Variants in DOK6 observed in about 807,000 individuals in gnomAD.
DOK6 encodes docking protein 6.
DOK6 carries 22 observed loss-of-function variants against 44.0 expected under a neutral mutation model. The ratio of observed to expected loss-of-function variants is 0.50; its 90% CI spans 0.36 to 0.71. DOK6 has a LOEUF of 0.71. Among genes scored for constraint, DOK6 ranks in the 30% least tolerant of loss-of-function variants. DOK6 has a pLI of 0.00. For missense variants in DOK6, 340 were observed against 416.4 expected (o/e 0.82, Z 1.60); for synonymous variants, 166 against 145.5 (o/e 1.14, Z -1.01).
intron 2 of DOK6, among the ~76,000 whole-genome samples, chr18:69,578,224 G>A (rs541412430): frequency 3.3e-5 from 5 of 151,976 alleles, no homozygotes; most frequent in African/African-American, 9.7e-5. Flanking sequence ...TAAAGCAACC[G>A]TCTATAATGG....
intron 6 of DOK6, among the ~76,000 whole-genome samples, chr18:69,746,133 T>TA (rs1978977742): frequency 6.6e-6 from 1 of 152,220 alleles, no homozygotes; most frequent in Admixed American, 6.5e-5. Context: ...TACATGTTGT[T>TA]AAATGCATTA....
chr18:69,559,772 T>TGA (rs1982782808), intron 1 of DOK6, among the ~76,000 whole-genome samples: 1 of 152,148 alleles, frequency 6.6e-6, no homozygotes, highest in Non-Finnish European at 1.5e-5. Flanking sequence ...CCAGCCCCAT[T>TGA]GGGTTCTGGT....
chr18:69,748,210 C>A (rs929211771), intron 6 of DOK6, among the ~76,000 whole-genome samples: 11 of 151,972 alleles, frequency 7.2e-5, no homozygotes, highest in African/African-American at 2.7e-4. Flanking sequence ...TAAATATGTA[C>A]GCACCCAATA....
At chr18:69,754,256 A>G (rs1979281138) in intron 6 of DOK6, among the ~76,000 whole-genome samples, 1 of 149,666 alleles carries the variant, frequency 6.7e-6, no homozygotes, top group African/African-American at 2.4e-5. Flanking sequence ...CGGGAGGCTG[A>G]GGTGGCAGAA....
intron 3 of DOK6, among the ~76,000 whole-genome samples, chr18:69,645,960 C>A (rs1985062464): frequency 6.6e-6 from 1 of 152,090 alleles, no homozygotes; most frequent in Admixed American, 6.6e-5. Flanking sequence ...ATCGAGGAGT[C>A]TGATTTCAAC....
rs114143254 is a variant in DOK6 at position 69,529,691 on chromosome 18, C to T, written c.67-34796C>T. Reference sequence around the variant, plus strand: ...TAAATTGAAAAGACCTCTTTTCCTACTTAGCTTATTAAAATCCAACACAGC... The same window carrying T: ...TAAATTGAAAAGACCTCTTTTCCTATTTAGCTTATTAAAATCCAACACAGC... On this transcript the variant is annotated intron_variant, in intron 1 of 7. Transcript: ENST00000382713. Among the ~76,000 whole-genome samples, 886 of 152,274 alleles carry T rather than the reference C, an allele frequency of 5.8e-3. 11 individuals carry two copies. The highest frequency in any genetic ancestry group is 0.02 in the African/African-American group (823 of 41,550).
chr18:69,550,682 A>G (rs1982537978), intron 1 of DOK6, among the ~76,000 whole-genome samples: 1 of 151,974 alleles, frequency 6.6e-6, no homozygotes. Flanking sequence ...TACTTCATGT[A>G]TATGAGAACA....
At chr18:69,534,557 A>G (rs1982068983) in intron 1 of DOK6, among the ~76,000 whole-genome samples, 1 of 151,640 alleles carries the variant, frequency 6.6e-6, no homozygotes, top group African/African-American at 2.4e-5. Flanking sequence ...GATTCTTTGT[A>G]TGGTGTGAGT....
At chr18:69,831,964 G>C (rs9948190) in intron 7 of DOK6, among the ~76,000 whole-genome samples, 1 of 150,924 alleles carries the variant, frequency 6.6e-6, no homozygotes, top group Non-Finnish European at 1.5e-5. Context: ...TTCTAAATAT[G>C]AGATCATAAC....
chr18:69,618,270 T>A (rs1984359780), intron 3 of DOK6, among the ~76,000 whole-genome samples: 1 of 152,158 alleles, frequency 6.6e-6, no homozygotes, highest in South Asian at 2.1e-4. Flanking sequence ...AGGAAACTAA[T>A]ATAGAGCTCT....
intron 3 of DOK6, chr18:69,660,384 A>G (rs1487389165): frequency 2.0e-5 from 3 of 152,150 alleles, no homozygotes; most frequent in African/African-American, 7.2e-5. Context: ...ATAAATTTCA[A>G]CTCCACAATA....
chr18:69,674,304 C>T (rs1985871847), intron 3 of DOK6, among the ~76,000 whole-genome samples: 1 of 152,170 alleles, frequency 6.6e-6, no homozygotes, highest in African/African-American at 2.4e-5. Context: ...AGTATACAGA[C>T]TACAAAGGTT....
At position 69,422,653 on chromosome 18, in the gene DOK6, A is replaced by G. The variant is rs932591098; in HGVS notation, c.66+21343A>G. On this transcript the variant is annotated intron_variant, in intron 1 of 7. Transcript: ENST00000382713. ...TCTCTACCTTCTGTGGTCTCTTTCC[A>G]GTTGATATACTCTGTTTGTGTAACT... Among the ~76,000 whole-genome samples the G allele has an allele frequency of 3.4e-5, 5 of 149,048 alleles. No homozygotes were observed. The Admixed American group carries it at 3.5e-4, about 10-fold the overall frequency.
At chr18:69,464,943 T>A (rs1000461452) in intron 1 of DOK6, among the ~76,000 whole-genome samples, 2 of 152,210 alleles carry the variant, frequency 1.3e-5, no homozygotes, top group Admixed American at 6.5e-5. Flanking sequence ...CCAGATTAAC[T>A]TTTATTTAAA....
At chr18:69,686,544 A>G (rs1986156913) in intron 4 of DOK6, among the ~76,000 whole-genome samples, 1 of 152,180 alleles carries the variant, frequency 6.6e-6, no homozygotes, top group South Asian at 2.1e-4. Context: ...CTACTACAAT[A>G]AATATTAAAT....
chr18:69,469,906 G>T (rs867519331), intron 1 of DOK6: 2 of 225,250 alleles, frequency 8.9e-6, no homozygotes, highest in African/African-American at 2.4e-5. Flanking sequence ...CTTCTGGGTC[G>T]CTCGGGTGCT....
intron 4 of DOK6, among the ~76,000 whole-genome samples, chr18:69,682,205 A>G (rs1211475404): frequency 2.0e-5 from 3 of 152,226 alleles, no homozygotes; most frequent in Non-Finnish European, 4.4e-5. Context: ...GTGAGGACCT[A>G]TGATATGTAA....
intron 4 of DOK6, among the ~76,000 whole-genome samples, chr18:69,684,422 G>A (rs1424447422): frequency 3.3e-5 from 5 of 152,168 alleles, no homozygotes; most frequent in East Asian, 1.9e-4. Context: ...CCAAAGGACC[G>A]ATCCTGGTTC....
chr18:69,796,375 C>G (rs1980745061), intron 7 of DOK6, among the ~76,000 whole-genome samples: 1 of 152,142 alleles, frequency 6.6e-6, no homozygotes, highest in South Asian at 2.1e-4. Flanking sequence ...TCCTTCCATT[C>G]TAATTAACTT....
Sources: gnomAD v4.1 joint callset for allele counts (sites outside exome capture counted in the v4.1 genomes callset) on GRCh38, gnomAD v4.1.1 for gene constraint, MANE v1.5 for transcripts, NCBI Gene and HGNC (gene_info 2026-07-23, HGNC 2026-07-21) for gene names.